FAM149B1: variants seen among roughly 807,000 people sequenced by gnomAD.
FAM149B1 encodes the protein family with sequence similarity 149 member B1.
A neutral mutation model predicts 75.3 loss-of-function variants in FAM149B1; 56 were observed. The ratio of observed to expected loss-of-function variants is 0.74; its 90% confidence interval spans 0.60 to 0.93. The LOEUF is 0.93. Among genes scored for constraint, FAM149B1 ranks in the 40% least tolerant of loss-of-function variants. The pLI is 0.00. For missense variants in FAM149B1, 639 were observed against 708.4 expected, an observed-to-expected ratio of 0.90 and a Z score of 1.11; for synonymous variants, 259 against 256.1, an observed-to-expected ratio of 1.01 and a Z score of -0.11.
At chr10:73,192,752 A>C in intron 4 of FAM149B1, 54 bp downstream of exon 4, 1 of 1,425,130 alleles carries the variant, frequency 7.0e-7, no homozygotes, top group Non-Finnish European at 9.3e-7. Context: ...AAATTTAAAA[A>C]GTAGATTTAA....
chr10:73,242,903 A>G lies in FAM149B1; in HGVS notation c.*1884A>G, dbSNP rs191533119. The stretch of plus-strand genomic sequence containing the variant: ...GCTTGAAGTAATTTAACACCTGTAC[A>G]TCAGTACAAAACCTGGCTGAGTAAA... On this transcript the variant is annotated 3_prime_UTR_variant, in exon 14 of 14. Coordinates refer to ENST00000242505, the MANE Select transcript of FAM149B1 (RefSeq NM_173348.2). The G allele has an allele frequency of 3.9e-5, 6 of 154,600 alleles. No homozygotes were observed. The highest frequency in any genetic ancestry group is 1.4e-4 in the African/African-American group (6 of 41,576). The allele number at this position is 154,600 out of a possible 1,614,324, so 9.6% of individuals were successfully genotyped here.
intron 2 of FAM149B1, among the ~76,000 whole-genome samples, chr10:73,175,196 C>CA (rs1425858575): frequency 6.6e-6 from 1 of 151,820 alleles, no homozygotes; most frequent in Non-Finnish European, 1.5e-5. Flanking sequence ...CCCATCTCTA[C>CA]AAAAAAATAA....
chr10:73,174,758 G>A lies in FAM149B1; in HGVS notation c.119G>A (p.Ser40Asn). The change falls in exon 2 of 14, where the codon AGT (serine) becomes AAT (asparagine). Residue 40 changes from serine to asparagine, a missense_variant. Coordinates refer to ENST00000242505, the MANE Select transcript of FAM149B1 (RefSeq NM_173348.2). ...PEKLEEISPT[S>N]DSHEKDTSSQ... ...AAGCTGGAGGAAATTTCCCCCACCA[G>A]TGACAGTCATGAGAAAGACACAAGT... The A allele has an allele frequency of 6.4e-7, 1 of 1,551,174 alleles. No individual in the cohort carries two copies. The highest frequency in any genetic ancestry group is 8.7e-7 in the Non-Finnish European group (1 of 1,146,562).
intron 3 of FAM149B1, among the ~76,000 whole-genome samples, chr10:73,180,038 A>C (rs146260742): frequency 6.6e-6 from 1 of 152,298 alleles, no homozygotes; most frequent in African/African-American, 2.4e-5. Flanking sequence ...AGTGAGACTT[A>C]CATGATTCAA....
At chr10:73,232,719 TTA>T (rs1408767223) in intron 9 of FAM149B1, among the ~76,000 whole-genome samples, 5 of 152,196 alleles carry the variant, frequency 3.3e-5, no homozygotes, top group Non-Finnish European at 7.3e-5. Context: ...TTCTAGTAAA[TTA>T]TGTTTATGAT....
Position 73,233,179 on chromosome 10 carries a change from A to G in FAM149B1, c.1352+16A>G, listed in dbSNP as rs1312467085. The G allele has an allele frequency of 6.6e-7, 1 of 1,518,322 alleles. No individual in the cohort carries two copies. Among genetic ancestry groups the G allele is most frequent in the South Asian group, 1.2e-5 (1 of 83,330 alleles). 94.1% of individuals were successfully genotyped at this position (1,518,322 alleles called of 1,614,324 possible). A position where few individuals can be genotyped will look rare whatever the true frequency, so the allele number is the denominator to read the frequency against. On this transcript the variant is annotated intron_variant, in intron 10 of 13. Coordinates refer to ENST00000242505, the MANE Select transcript of FAM149B1 (RefSeq NM_173348.2). ...GAGCCCGAGTGTAGGTTTCAAAAGC[A>G]GAACTTCTGGAAACCGTGGTAAAAC...
chr10:73,224,357 A>C (rs1398307023), intron 7 of FAM149B1, among the ~76,000 whole-genome samples: 1 of 152,230 alleles, frequency 6.6e-6, no homozygotes, highest in East Asian at 1.9e-4. Context: ...ATGTTCATAA[A>C]TAACTAGAAA....
At chr10:73,175,699 CAT>C (rs149206991) in intron 2 of FAM149B1, among the ~76,000 whole-genome samples, 10,345 of 146,564 alleles carry the variant, frequency 0.071, 601 homozygotes, top group East Asian at 0.3. Flanking sequence ...AAAGAAAAAA[CAT>C]AAATTAAATA....
At chr10:73,229,913 T>C (rs563980981) in intron 8 of FAM149B1, among the ~76,000 whole-genome samples, 1 of 152,222 alleles carries the variant, frequency 6.6e-6, no homozygotes, top group African/African-American at 2.4e-5. Flanking sequence ...CTGCTAAAAT[T>C]AGAACAGATA....
intron 12 of FAM149B1, among the ~76,000 whole-genome samples, chr10:73,235,750 G>A (rs2043806347): frequency 6.6e-6 from 1 of 152,058 alleles, no homozygotes; most frequent in African/African-American, 2.4e-5. Context: ...GCCCAGACTA[G>A]ACCTGGAACT....
At chr10:73,172,144 A>T (rs957983738) in intron 1 of FAM149B1, among the ~76,000 whole-genome samples, 1 of 152,240 alleles carries the variant, frequency 6.6e-6, no homozygotes, top group Non-Finnish European at 1.5e-5. Context: ...AAATGTCTTA[A>T]GTCTCTATTT....
At chr10:73,227,089 TTTTA>T (rs1443181394) in intron 7 of FAM149B1, among the ~76,000 whole-genome samples, 4 of 151,952 alleles carry the variant, frequency 2.6e-5, no homozygotes, top group African/African-American at 4.8e-5. Flanking sequence ...AATATTTATT[TTTTA>T]TTTTTATTTA....
intron 1 of FAM149B1, among the ~76,000 whole-genome samples, chr10:73,169,630 A>C (rs1286048761): frequency 6.6e-6 from 1 of 152,038 alleles, no homozygotes; most frequent in Non-Finnish European, 1.5e-5. Flanking sequence ...CTAATTAAAA[A>C]AAAATTTTTT....
At chr10:73,216,823 T>C (rs1291817525) in intron 7 of FAM149B1, among the ~76,000 whole-genome samples, 5 of 152,160 alleles carry the variant, frequency 3.3e-5, no homozygotes, top group Admixed American at 3.3e-4. Flanking sequence ...GTAGAGCCCC[T>C]CAAACTACAT....
intron 7 of FAM149B1, among the ~76,000 whole-genome samples, chr10:73,227,717 G>A (rs7900359): frequency 0.15 from 23,322 of 152,106 alleles, 2,936 homozygotes; most frequent in African/African-American, 0.32. Flanking sequence ...GCCACATTCT[G>A]AGTGCTCTAT....
chr10:73,231,621 CGAAT>C (rs1289265889), intron 9 of FAM149B1, among the ~76,000 whole-genome samples: 1 of 149,808 alleles, frequency 6.7e-6, no homozygotes, highest in African/African-American at 2.5e-5. Context: ...GGGTGAGAAA[CGAAT>C]GAGCTATTTT....
At chr10:73,180,426 G>T (rs1241749070) in intron 3 of FAM149B1, among the ~76,000 whole-genome samples, 4 of 152,226 alleles carry the variant, frequency 2.6e-5, no homozygotes, top group East Asian at 3.8e-4. Context: ...GCAGGCCAAA[G>T]AATTTAAATT....
At position 73,241,142 on chromosome 10, in the gene FAM149B1, T is replaced by C; in HGVS notation, c.*123T>C. ...TAGAAATCATCTTCATGAAGAGTGA[T>C]TTTGGCACAAGTGACCGAAGAACAA... On this transcript the variant is annotated 3_prime_UTR_variant, in exon 14 of 14. Transcript: ENST00000242505. 1.4e-6 allele frequency: 1 copy of C among 693,442 alleles called. No homozygotes were observed. The highest frequency in any genetic ancestry group is 1.6e-5 in the South Asian group (1 of 63,062). 43.0% of individuals were successfully genotyped at this position (693,442 alleles called of 1,614,324 possible). A position where few individuals can be genotyped will look rare whatever the true frequency, so the allele number is the denominator to read the frequency against.
Position 73,228,601 on chromosome 10 carries a change from A to AT in FAM149B1, c.1023+423dup, listed in dbSNP as rs1469000084. 4.1e-5 allele frequency among the ~76,000 whole-genome samples: 6 copies of AT among 147,742 alleles called. No homozygotes were observed. The East Asian group carries it at 6.6e-4, about 16-fold the overall frequency. On this transcript the variant is annotated intron_variant, in intron 8 of 13. Coordinates refer to ENST00000242505, the MANE Select transcript of FAM149B1 (RefSeq NM_173348.2). ...ACTTGGCCCACCCTGTTTATTTTTT[A>AT]TTTTTTCATTTTTTTTGAGACAGTC...
Sources: gnomAD v4.1 joint callset for allele counts (sites outside exome capture counted in the v4.1 genomes callset) on GRCh38, gnomAD v4.1.1 for gene constraint, MANE v1.5 for transcripts, NCBI Gene and HGNC (gene_info 2026-07-23, HGNC 2026-07-21) for gene names.